The following SOCS5 variants were observed in gnomAD, a reference collection of about 807,000 sequenced individuals.
SOCS5 encodes the protein CIS-6.
A neutral mutation model predicts 42.8 loss-of-function variants in SOCS5; 32 were observed. The observed-to-expected ratio is 0.75, with a 90% confidence interval of 0.56 to 1.01. The LOEUF (loss-of-function observed/expected upper bound fraction) is 1.01, where lower values mean the gene tolerates loss of function less well. Ranked by LOEUF, SOCS5 falls within the 50% of genes least tolerant of loss-of-function variation. The pLI is 0.00. For missense variants in SOCS5, 627 were observed against 653.0 expected (o/e 0.96, Z 0.43); for synonymous variants, 283 against 229.6 (o/e 1.23, Z -2.10).
chr2:46,716,102 A>G (rs1247909663), intron 1 of SOCS5, among the ~76,000 whole-genome samples: 1 of 112,352 alleles, frequency 8.9e-6, no homozygotes, highest in Non-Finnish European at 1.7e-5. Context: ...TTCATGTCAG[A>G]CACCCCCCCT....
At chr2:46,723,899 A>G (rs1672938083) in intron 1 of SOCS5, among the ~76,000 whole-genome samples, 2 of 151,998 alleles carry the variant, frequency 1.3e-5, no homozygotes. Context: ...CAGGCCTTGA[A>G]TGTGGTAGCT....
chr2:46,748,182 T>C (rs548513481), intron 1 of SOCS5, among the ~76,000 whole-genome samples: 1 of 138,702 alleles, frequency 7.2e-6, no homozygotes, highest in East Asian at 2.0e-4. Context: ...TTTTCTCTTT[T>C]CTTTTTCTTT....
rs373174380 is a variant in SOCS5 at position 46,748,930 on chromosome 2, C to T, written c.-12-9589C>T. ...ATGAGCTCACTGTTAAGTAGTTCCC[C>T]TAATCAGAGACTCTTTTCTGGATTA... is the stretch of plus-strand genomic sequence containing the variant. On this transcript the variant is annotated intron_variant, in intron 1 of 1. Transcript: ENST00000394861. 1.0e-3 allele frequency among the ~76,000 whole-genome samples: 157 copies of T among 152,280 alleles called. 1 individual carries two copies. The highest frequency in any genetic ancestry group is 3.7e-3 in the African/African-American group (152 of 41,536).
chr2:46,751,158 G>T (rs560395512), intron 1 of SOCS5, among the ~76,000 whole-genome samples: 13 of 152,190 alleles, frequency 8.5e-5, no homozygotes, highest in African/African-American at 2.9e-4. Flanking sequence ...TCGTAGGGTT[G>T]TTGGGAGAAG....
At chr2:46,708,782 G>C (rs111459535) in intron 1 of SOCS5, among the ~76,000 whole-genome samples, 2,208 of 151,490 alleles carry the variant, frequency 0.015, 24 homozygotes, top group Non-Finnish European at 0.023. Flanking sequence ...TTAGGCAAAT[G>C]CACTTCCTTA....
chr2:46,739,800 T>C lies in SOCS5; in HGVS notation c.-12-18719T>C, dbSNP rs1673329571. Among the ~76,000 whole-genome samples, 3 of 152,236 alleles carry C rather than the reference T, an allele frequency of 2.0e-5. 1 individual carries two copies. Among genetic ancestry groups the C allele is most frequent in the Admixed American group, 2.0e-4 (3 of 15,286 alleles). On this transcript the variant is annotated intron_variant, in intron 1 of 1. Transcript: ENST00000394861. ...ATGTCTACACACATATGTATACATG[T>C]CAGTATTCGTGTGTATATTTTTATT...
In SOCS5 at chr2:46,699,423, A is replaced by T. The variant is rs936841944; in HGVS notation, c.-39A>T. On this transcript the variant is annotated 5_prime_UTR_variant, in exon 1 of 2. An upstream start codon of the reference 5' UTR is lost. Transcript: ENST00000394861. This position sits in a 1 kb window ranked among gnomAD's most constrained non-coding sequence, Gnocchi z 4.8. ...TCCTGCCTGGCCGCAGGTGCCCTGGATGAGGCCGCCCCGCGCGCCCCAAAC... is the reference window on the plus strand; with the variant it reads ...TCCTGCCTGGCCGCAGGTGCCCTGGTTGAGGCCGCCCCGCGCGCCCCAAAC... 6.6e-6 allele frequency: 1 copy of T among 152,014 alleles called. No homozygotes were observed. Among genetic ancestry groups the T allele is most frequent in the East Asian group, 2.0e-4 (1 of 5,104 alleles). The allele number at this position is 152,014 out of a possible 1,614,324, so 9.4% of individuals were successfully genotyped here. A position where few individuals can be genotyped will look rare whatever the true frequency, so the allele number is the denominator to read the frequency against.
intron 1 of SOCS5, among the ~76,000 whole-genome samples, chr2:46,718,913 A>T (rs1672814210): frequency 6.6e-6 from 1 of 152,206 alleles, no homozygotes; most frequent in Non-Finnish European, 1.5e-5. Context: ...AAATGTTCAT[A>T]CCCTTTGCCC....
chr2:46,749,370 C>T (rs1250800614), intron 1 of SOCS5, among the ~76,000 whole-genome samples: 1 of 152,104 alleles, frequency 6.6e-6, no homozygotes, highest in Non-Finnish European at 1.5e-5. Flanking sequence ...TCATGTTATC[C>T]TGGAAAGGCC....
At chr2:46,699,291 C>T (rs1324898343), upstream of SOCS5, 1 of 150,948 alleles carries the variant, frequency 6.6e-6, no homozygotes, top group Non-Finnish European at 1.5e-5. The surrounding 1 kb of genome is among the most constrained non-coding windows in gnomAD (Gnocchi z 4.8). Flanking sequence ...GGTCCCCGGG[C>T]TCCGTCCGGA....
intron 1 of SOCS5, among the ~76,000 whole-genome samples, chr2:46,701,067 C>G (rs1457570213): frequency 6.6e-6 from 1 of 152,196 alleles, no homozygotes; most frequent in Non-Finnish European, 1.5e-5. Context: ...TATATATTTT[C>G]TCCTTATTGT....
chr2:46,751,624 A>G (rs1322009147), intron 1 of SOCS5, among the ~76,000 whole-genome samples: 1 of 152,122 alleles, frequency 6.6e-6, no homozygotes, highest in Non-Finnish European at 1.5e-5. Context: ...CTGTGTGTAT[A>G]TTATTTTTCT....
In SOCS5 at chr2:46,744,204, G is replaced by A. The variant is rs144540452; in HGVS notation, c.-12-14315G>A. On this transcript the variant is annotated intron_variant, in intron 1 of 1. Transcript: ENST00000394861. Reference sequence around the variant, plus strand: ...GGGGTTTCACCGTGTTGGTCAGGCAGATTGTGAACTCTTGACCTCAAGTGA... The same window carrying A: ...GGGGTTTCACCGTGTTGGTCAGGCAAATTGTGAACTCTTGACCTCAAGTGA... 3.0e-3 allele frequency among the ~76,000 whole-genome samples: 450 copies of A among 152,244 alleles called. 2 individuals carry two copies. Among genetic ancestry groups the A allele is most frequent in the African/African-American group, 0.011 (440 of 41,536 alleles).
At chr2:46,714,958 C>A (rs1369658604) in intron 1 of SOCS5, among the ~76,000 whole-genome samples, 1 of 152,084 alleles carries the variant, frequency 6.6e-6, no homozygotes, top group Non-Finnish European at 1.5e-5. Flanking sequence ...TAATATTTTA[C>A]CACTTAATGT....
chr2:46,698,991 C>G (rs1672275454), upstream of SOCS5: 1 of 152,468 alleles, frequency 6.6e-6, no homozygotes, highest in African/African-American at 2.4e-5. Flanking sequence ...GCCGGACCTC[C>G]CCGACTCCCG....
In SOCS5 at chr2:46,722,014, AC is replaced by A. The variant is rs974419938; in HGVS notation, c.-13+22568del. Among the ~76,000 whole-genome samples, 36 of 151,744 alleles carry A rather than the reference AC, an allele frequency of 2.4e-4. 1 individual carries two copies. Among genetic ancestry groups the A allele is most frequent in the African/African-American group, 7.7e-4 (32 of 41,326 alleles). On this transcript the variant is annotated intron_variant, in intron 1 of 1. Coordinates refer to ENST00000394861, the MANE Select transcript of SOCS5 (RefSeq NM_144949.3). ...CAGTATTGTCATTTCTATTTCAAGG[AC>A]CCAATGAATATCTAGTATGAATATA...
intron 1 of SOCS5, among the ~76,000 whole-genome samples, chr2:46,739,893 C>G (rs1673330939): frequency 1.3e-5 from 2 of 152,138 alleles, no homozygotes; most frequent in African/African-American, 4.8e-5. Flanking sequence ...TTCTGCTCTA[C>G]TTTATAATAT....
chr2:46,737,483 A>T (rs1020284538), intron 1 of SOCS5, among the ~76,000 whole-genome samples: 23 of 152,190 alleles, frequency 1.5e-4, no homozygotes, highest in African/African-American at 5.1e-4. Flanking sequence ...CTGATAACTG[A>T]TTATTATTAG....
chr2:46,743,022 C>T (rs1441455381), intron 1 of SOCS5, among the ~76,000 whole-genome samples: 2 of 152,078 alleles, frequency 1.3e-5, no homozygotes, highest in East Asian at 3.9e-4. Flanking sequence ...AATTCTTACC[C>T]ATTCATCTTA....
Sources: gnomAD v4.1 joint callset for allele counts (sites outside exome capture counted in the v4.1 genomes callset) on GRCh38, gnomAD v4.1.1 for gene constraint, Gnocchi (gnomAD v3.1) non-coding constraint, MANE v1.5 for transcripts, NCBI Gene and HGNC (gene_info 2026-07-23, HGNC 2026-07-21) for gene names.